NKAIN3: variants seen among roughly 807,000 people sequenced by gnomAD.
NKAIN3 encodes the protein sodium/potassium-transporting ATPase subunit beta-1-interacting protein 3.
In NKAIN3, 25 loss-of-function variants were observed where a neutral mutation model predicts 30.2. The observed-to-expected ratio is 0.83, with a 90% CI of 0.60 to 1.16. The LOEUF is 1.16. Among genes scored for constraint, NKAIN3 ranks in the 50% most tolerant of loss-of-function variants. NKAIN3 has a pLI of 0.00. For missense variants in NKAIN3, 225 were observed against 254.1 expected, an observed-to-expected ratio of 0.89 and a Z score of 0.78; for synonymous variants, 91 against 89.6, an observed-to-expected ratio of 1.02 and a Z score of -0.09.
chr8:62,789,348 G>A (rs1247365080), intron 4 of NKAIN3, among the ~76,000 whole-genome samples: 2 of 152,118 alleles, frequency 1.3e-5, no homozygotes, highest in African/African-American at 2.4e-5. Context: ...TGTTACTGGT[G>A]TATAAGAATG....
chr8:62,501,897 C>T (rs1040343586), intron 1 of NKAIN3, among the ~76,000 whole-genome samples: 4 of 152,118 alleles, frequency 2.6e-5, no homozygotes, highest in African/African-American at 9.7e-5. Context: ...ATGAGTCATG[C>T]CTGGGATACC....
chr8:62,374,255 TAA>T (rs1207458833), intron 1 of NKAIN3, among the ~76,000 whole-genome samples: 14 of 152,194 alleles, frequency 9.2e-5, no homozygotes, highest in Non-Finnish European at 1.8e-4. Flanking sequence ...TCTCTGGAGT[TAA>T]GTCATGTTTA....
intron 1 of NKAIN3, among the ~76,000 whole-genome samples, chr8:62,322,123 G>A (rs781725016): frequency 5.3e-5 from 8 of 152,298 alleles, no homozygotes; most frequent in South Asian, 4.2e-4. Flanking sequence ...AGGACCCTCC[G>A]AGCCAGGCAT....
chr8:62,262,492 G>T (rs1268437241), intron 1 of NKAIN3, among the ~76,000 whole-genome samples: 2 of 152,144 alleles, frequency 1.3e-5, no homozygotes, highest in Admixed American at 6.6e-5. Context: ...TTTGATGTCT[G>T]TTGGGAAACT....
In NKAIN3 at chr8:62,980,489, A is replaced by G. The variant is rs544938201; in HGVS notation, c.*15082A>G. 2.6e-5 allele frequency: 4 copies of G among 152,328 alleles called. No individual in the cohort carries two copies. Among genetic ancestry groups the G allele is most frequent in the Non-Finnish European group, 5.9e-5 (4 of 68,026 alleles). 9.4% of individuals were successfully genotyped at this position (152,328 alleles called of 1,614,324 possible). On this transcript the variant is annotated 3_prime_UTR_variant, in exon 7 of 7. Transcript: ENST00000623646. ...ATGATAATACAAATAAGAGTACGAC[A>G]TACGTAAATGTTGATTAGCTTTCTG...
intron 1 of NKAIN3, among the ~76,000 whole-genome samples, chr8:62,342,235 C>CAAA (rs3058285): frequency 0.77 from 96,411 of 124,574 alleles, 38,190 homozygotes; most frequent in South Asian, 0.86. Flanking sequence ...ACCACTGAAC[C>CAAA]AAAAAAAAAA....
rs371595970 is a variant in NKAIN3, at chr8:62,877,178, G to C, written c.472-41275G>C. Among the ~76,000 whole-genome samples, 3 of 152,176 alleles carry C rather than the reference G, an allele frequency of 2.0e-5. No individual in the cohort carries two copies. The East Asian group carries it at 5.8e-4, about 29-fold the overall frequency. On this transcript the variant is annotated intron_variant, in intron 4 of 6. Coordinates refer to ENST00000623646, the MANE Select transcript of NKAIN3 (RefSeq NM_001304533.3). ...GTGGTCTCACGGCCAAAGGAGCTCT[G>C]AACCAAAGGCTCCTCCTATCTTATG...
chr8:62,732,293 AAT>A lies in NKAIN3; in HGVS notation c.274-14638_274-14637del, dbSNP rs1394354009. On this transcript the variant is annotated intron_variant, in intron 3 of 6. Coordinates refer to ENST00000623646, the MANE Select transcript of NKAIN3 (RefSeq NM_001304533.3). ...GTTGATCGTATTAAACTTTATTGAT[AAT>A]GTTACATTGATTTATTTTTGTTTTA... is the stretch of plus-strand genomic sequence containing the variant. 6.2e-4 allele frequency among the ~76,000 whole-genome samples: 94 copies of A among 152,086 alleles called. 1 individual carries two copies. Among genetic ancestry groups the A allele is most frequent in the African/African-American group, 2.0e-3 (82 of 41,538 alleles).
At chr8:62,766,659 G>A (rs1403141087) in intron 4 of NKAIN3, among the ~76,000 whole-genome samples, 1 of 151,910 alleles carries the variant, frequency 6.6e-6, no homozygotes, top group Non-Finnish European at 1.5e-5. Context: ...AGGCTATTGA[G>A]CAAAAAAACC....
intron 4 of NKAIN3, among the ~76,000 whole-genome samples, chr8:62,836,526 C>T (rs1384939240): frequency 2.0e-5 from 3 of 152,048 alleles, no homozygotes; most frequent in Non-Finnish European, 2.9e-5. Context: ...TTTAAAATTT[C>T]ATAATGTCAG....
intron 3 of NKAIN3, among the ~76,000 whole-genome samples, chr8:62,716,618 A>G (rs1376009951): frequency 6.6e-6 from 1 of 152,142 alleles, no homozygotes; most frequent in Non-Finnish European, 1.5e-5. Context: ...CTTTATTTTT[A>G]AAGTAGGTTA....
intron 3 of NKAIN3, among the ~76,000 whole-genome samples, chr8:62,640,435 A>G (rs988732121): frequency 3.3e-5 from 5 of 152,114 alleles, no homozygotes; most frequent in African/African-American, 1.2e-4. Flanking sequence ...AGGCCTCCCC[A>G]GGCATGAGGA....
At chr8:62,562,843 T>C (rs2129985170) in intron 1 of NKAIN3, among the ~76,000 whole-genome samples, 1 of 152,302 alleles carries the variant, frequency 6.6e-6, no homozygotes, top group Admixed American at 6.5e-5. Flanking sequence ...TTAAAGAGAC[T>C]TTTTAAAAGA....
At chr8:62,311,089 A>T (rs1305753518) in intron 1 of NKAIN3, among the ~76,000 whole-genome samples, 1 of 150,556 alleles carries the variant, frequency 6.6e-6, no homozygotes, top group East Asian at 1.9e-4. Context: ...CATTGTTTAC[A>T]TGCAGGCTTT....
chr8:62,418,672 G>A (rs1804532671), intron 1 of NKAIN3, among the ~76,000 whole-genome samples: 2 of 152,060 alleles, frequency 1.3e-5, no homozygotes, highest in South Asian at 4.1e-4. Context: ...TCAGTGTTCT[G>A]GGGACGTGGT....
intron 3 of NKAIN3, among the ~76,000 whole-genome samples, chr8:62,614,134 G>T (rs1263216067): frequency 6.6e-6 from 1 of 151,988 alleles, no homozygotes; most frequent in Non-Finnish European, 1.5e-5. Flanking sequence ...AGTCTTCATT[G>T]TCTGGGCTTA....
intron 1 of NKAIN3, among the ~76,000 whole-genome samples, chr8:62,372,079 T>C (rs563071481): frequency 1.3e-5 from 2 of 152,086 alleles, no homozygotes; most frequent in East Asian, 3.9e-4. Flanking sequence ...CATAATGGTT[T>C]TAATACTGAT....
At chr8:62,917,114 A>C (rs1008369021) in intron 4 of NKAIN3, among the ~76,000 whole-genome samples, 5 of 151,854 alleles carry the variant, frequency 3.3e-5, no homozygotes. Flanking sequence ...GCACAGGAAG[A>C]TCTCTCCAGA....
intron 4 of NKAIN3, among the ~76,000 whole-genome samples, chr8:62,891,938 T>G (rs1377472991): frequency 6.6e-6 from 1 of 152,168 alleles, no homozygotes; most frequent in Non-Finnish European, 1.5e-5. Context: ...GGAAAGACCC[T>G]GCTGAAAACT....
Sources: allele counts gnomAD v4.1 joint callset (sites outside exome capture counted in the v4.1 genomes callset), GRCh38; gene constraint gnomAD v4.1.1; transcripts MANE v1.5; gene names NCBI Gene and HGNC (gene_info 2026-07-23, HGNC 2026-07-21).